The following COX5A variants were observed in gnomAD, a reference collection of about 807,000 sequenced individuals.
The protein encoded by COX5A is cytochrome c oxidase subunit 5A, mitochondrial.
COX5A carries 6 observed loss-of-function variants against 16.1 expected under a neutral mutation model. The ratio of observed to expected loss-of-function variants is 0.37; its 90% CI spans 0.20 to 0.73. The LOEUF (loss-of-function observed/expected upper bound fraction) is 0.73. Among genes scored for constraint, COX5A ranks in the 30% least tolerant of loss-of-function variants. The pLI, the probability that COX5A is intolerant of heterozygous loss-of-function variation, is 0.50. For missense variants in COX5A, 159 were observed against 194.9 expected (o/e 0.82, Z 1.10); for synonymous variants, 73 against 73.8 (o/e 0.99, Z 0.06).
intron 4 of COX5A, among the ~76,000 whole-genome samples, chr15:74,921,544 A>C (rs1489661339): frequency 2.6e-5 from 4 of 152,172 alleles, no homozygotes; most frequent in Middle Eastern, 3.4e-3. Context: ...AGCCTGGCCA[A>C]CATGGCGAAA....
chr15:74,926,954 AT>A, intron 2 of COX5A, 67 bp from the exon 3 acceptor site: 1 of 1,526,084 alleles, frequency 6.6e-7, no homozygotes, highest in Non-Finnish European at 8.9e-7. Flanking sequence ...AGTTATTTAT[AT>A]TTTTACTGAA....
chr15:74,920,605 T>C (rs1285684069), intron 4 of COX5A, among the ~76,000 whole-genome samples, 163 bp from the exon 5 acceptor site: 2 of 152,212 alleles, frequency 1.3e-5, no homozygotes, highest in African/African-American at 2.4e-5. Context: ...GCGACTAGCT[T>C]TGTGGCTTTT....
chr15:74,924,542 T>C (rs756137465), intron 3 of COX5A, among the ~76,000 whole-genome samples: 28 of 146,128 alleles, frequency 1.9e-4, no homozygotes, highest in Non-Finnish European at 3.4e-4. Flanking sequence ...AATAATTAAA[T>C]AAAAATAAAG....
At chr15:74,926,494 A>T (rs978097204) in intron 3 of COX5A, among the ~76,000 whole-genome samples, 1 of 123,366 alleles carries the variant, frequency 8.1e-6, no homozygotes, top group Non-Finnish European at 2.1e-5. Context: ...TTCTTAAAAA[A>T]GAAAGAAAAA....
Position 74,929,340 on chromosome 15 carries a change from A to G in COX5A, c.101-108T>C, listed in dbSNP as rs528877564. ...CTATATATGTTGTGGCAGCAAAAAT[A>G]TTGAACAGGTCAAATGAAATACATC... On this transcript the variant is annotated intron_variant, in intron 1 of 4. Transcript: ENST00000322347. 4.5e-4 allele frequency: 319 copies of G among 715,662 alleles called. 1 individual carries two copies. In the African/African-American group the frequency reaches 5.2e-3, roughly 12 times the overall value. 44.3% of individuals were successfully genotyped at this position (715,662 alleles called of 1,614,324 possible).
intron 1 of COX5A, among the ~76,000 whole-genome samples, chr15:74,936,277 A>G (rs2065389615): frequency 6.8e-6 from 1 of 147,702 alleles, no homozygotes; most frequent in Non-Finnish European, 1.5e-5. Context: ...AAGAAAAAAC[A>G]AAACAAAACA....
intron 3 of COX5A, among the ~76,000 whole-genome samples, chr15:74,926,185 G>A (rs1321289992): frequency 2.0e-5 from 3 of 151,170 alleles, no homozygotes; most frequent in African/African-American, 4.9e-5. Flanking sequence ...GACTACAGGC[G>A]CCTGCCACCA....
chr15:74,932,918 G>A (rs577510336), intron 1 of COX5A, among the ~76,000 whole-genome samples: 6 of 151,544 alleles, frequency 4.0e-5, no homozygotes, highest in African/African-American at 1.2e-4. Flanking sequence ...GGCTGGTCTC[G>A]AACTCTTGAC....
intron 1 of COX5A, among the ~76,000 whole-genome samples, chr15:74,935,625 A>T (rs750392432): frequency 1.1e-4 from 16 of 151,352 alleles, no homozygotes; most frequent in Admixed American, 4.6e-4. Flanking sequence ...ATAAATAAAT[A>T]AATAAAAAAT....
At chr15:74,929,026 A>G (rs2065355147) in intron 2 of COX5A, 90 bp downstream of exon 2, 1 of 906,042 alleles carries the variant, frequency 1.1e-6, no homozygotes, top group Non-Finnish European at 1.8e-6. Flanking sequence ...TAAACAACGC[A>G]TGTTTTCGAA....
chr15:74,933,420 TATCTATCTATC>T (rs1432369967), intron 1 of COX5A, among the ~76,000 whole-genome samples: 2 of 46,490 alleles, frequency 4.3e-5, no homozygotes, highest in East Asian at 2.4e-3. Context: ...AAAAAAAAAA[TATCTATCTATC>T]TATCTATCTA....
At chr15:74,925,022 A>G (rs2065337191) in intron 3 of COX5A, among the ~76,000 whole-genome samples, 2 of 152,134 alleles carry the variant, frequency 1.3e-5, no homozygotes, top group South Asian at 4.1e-4. Flanking sequence ...TAAGAAGTCA[A>G]AAGAACTAAG....
At chr15:74,928,709 A>G in intron 2 of COX5A, among the ~76,000 whole-genome samples, 1 of 152,166 alleles carries the variant, frequency 6.6e-6, no homozygotes, top group East Asian at 1.9e-4. Context: ...GAAATGTACA[A>G]AACTGTTACC....
rs2065398103 is a variant in COX5A at position 74,937,720 on chromosome 15, G to A, written c.100+195C>T. 5 of 373,008 alleles carry A rather than the reference G, an allele frequency of 1.3e-5. No individual in the cohort carries two copies. In the Admixed American group the frequency reaches 2.3e-4, roughly 17 times the overall value. The allele number at this position is 373,008 out of a possible 1,614,324, so 23.1% of individuals were successfully genotyped here. A position where few individuals can be genotyped will look rare whatever the true frequency, so the allele number is the denominator to read the frequency against. The stretch of plus-strand genomic sequence containing the variant: ...CGGTGGCACAGCCAGGAAGTTGCGC[G>A]GGGGGAGGCCCCGGGGGCGCGCTTT... On this transcript the variant is annotated intron_variant, in intron 1 of 4. Coordinates refer to ENST00000322347, the MANE Select transcript of COX5A (RefSeq NM_004255.4).
chr15:74,926,499 GA>G (rs57676926), intron 3 of COX5A, among the ~76,000 whole-genome samples: 56,064 of 127,526 alleles, frequency 0.44, 13,095 homozygotes, highest in Non-Finnish European at 0.58. Flanking sequence ...AAAAAAGAAA[GA>G]AAAAAAAAAA....
At chr15:74,932,456 C>CAT (rs964750577) in intron 1 of COX5A, among the ~76,000 whole-genome samples, 9 of 151,458 alleles carry the variant, frequency 5.9e-5, no homozygotes, top group Non-Finnish European at 7.4e-5. Context: ...CCTTAACATA[C>CAT]ATATATATAT....
intron 3 of COX5A, 151 bp downstream of exon 3, chr15:74,926,615 T>C: frequency 4.4e-6 from 3 of 687,626 alleles, no homozygotes; most frequent in Non-Finnish European, 6.5e-6. Context: ...AAGTAGCCTC[T>C]AGAAAGATTT....
chr15:74,922,569 C>T (rs1948063173), intron 4 of COX5A, among the ~76,000 whole-genome samples: 1 of 151,972 alleles, frequency 6.6e-6, no homozygotes, highest in African/African-American at 2.4e-5. Context: ...CAGTCTCAAA[C>T]TCCTGATACT....
intron 4 of COX5A, among the ~76,000 whole-genome samples, chr15:74,923,318 G>A (rs2065329974): frequency 1.3e-5 from 2 of 151,940 alleles, no homozygotes; most frequent in African/African-American, 4.8e-5. Context: ...CCAGCTACTT[G>A]GGAGGCTGAG....
Sources: gnomAD v4.1 joint callset for allele counts (sites outside exome capture counted in the v4.1 genomes callset) on GRCh38, gnomAD v4.1.1 for gene constraint, MANE v1.5 for transcripts, NCBI Gene and HGNC (gene_info 2026-07-23, HGNC 2026-07-21) for gene names.